The following DMD variants were observed in gnomAD, a reference collection of about 807,000 sequenced individuals.
The protein encoded by DMD is dystrophin.
Under a neutral mutation model 330.1 loss-of-function variants are expected in DMD, and 63 were observed. The ratio of observed to expected loss-of-function variants is 0.19; its 90% confidence interval spans 0.16 to 0.24. The LOEUF (loss-of-function observed/expected upper bound fraction) is 0.24. Ranked by LOEUF, DMD falls within the 10% of genes least tolerant of loss-of-function variation. The probability of loss-of-function intolerance (pLI) is 1.00; values close to 1 mark genes in which losing one functional copy is unlikely to be tolerated. For missense variants in DMD, 3,344 were observed against 2,684.1 expected (o/e 1.25, Z -5.43); for synonymous variants, 1,223 against 959.8 (o/e 1.27, Z -5.07).
intron 44 of DMD, among the ~76,000 whole-genome samples, chrX:32,051,001 A>G (rs186181751): frequency 3.4e-5 from 2 of 59,290 alleles, no homozygotes; most frequent in African/African-American, 1.9e-4. Context: ...CCTAATAGAG[A>G]CAGGCTCTCA....
intron 1 of DMD, among the ~76,000 whole-genome samples, chrX:33,150,868 T>C (rs5971689): frequency 0.048 from 5,378 of 111,298 alleles, 144 homozygotes; most frequent in South Asian, 0.2. Flanking sequence ...ACCAAATTAC[T>C]GTCCTGATTG....
intron 44 of DMD, among the ~76,000 whole-genome samples, chrX:32,108,559 T>C (rs2096575128): frequency 9.0e-6 from 1 of 111,497 alleles, no homozygotes; most frequent in Non-Finnish European, 1.9e-5. Context: ...TACAGAAAAA[T>C]GAGTTAATGA....
chrX:31,364,144 T>G (rs2059112050), intron 60 of DMD, among the ~76,000 whole-genome samples: 1 of 112,886 alleles, frequency 8.9e-6, no homozygotes, highest in Admixed American at 9.3e-5. Context: ...CATTGTGATC[T>G]GATGGCTTCC....
chrX:31,777,708 C>T (rs1008926704), intron 50 of DMD, among the ~76,000 whole-genome samples: 7 of 111,793 alleles, frequency 6.3e-5, no homozygotes, highest in African/African-American at 9.8e-5. Context: ...CAAAAGTTTT[C>T]ACCTGTGTAA....
At chrX:33,322,704 C>T (rs2148957265) in intron 1 of DMD, among the ~76,000 whole-genome samples, 1 of 111,498 alleles carries the variant, frequency 9.0e-6, no homozygotes, top group South Asian at 3.8e-4. Flanking sequence ...AAGAAGATAC[C>T]TCTGGGCTTT....
chrX:31,833,493 C>G (rs34148237), intron 49 of DMD, among the ~76,000 whole-genome samples: 1 of 110,264 alleles, frequency 9.1e-6, no homozygotes, highest in Non-Finnish European at 1.9e-5. Context: ...ACTACCTATA[C>G]GTCATTAGTA....
intron 2 of DMD, among the ~76,000 whole-genome samples, chrX:33,008,808 A>T (rs1180813113): frequency 2.0e-5 from 2 of 98,289 alleles, no homozygotes; most frequent in Non-Finnish European, 4.1e-5. Flanking sequence ...ATATACGTAT[A>T]TATACACATA....
chrX:32,691,613 T>C lies in DMD; in HGVS notation c.960+6257A>G, dbSNP rs1182140179. 2.7e-5 allele frequency among the ~76,000 whole-genome samples: 3 copies of C among 110,946 alleles called. No individual in the cohort carries two copies. In the Admixed American group the frequency reaches 2.9e-4, roughly 11 times the overall value. ...AAATAATATAGTTGCTCCTCAAAAA[T>C]TAAAAACAGAACTCCCACTTGATCT... is the stretch of plus-strand genomic sequence containing the variant. On this transcript the variant is annotated intron_variant, in intron 9 of 78. Coordinates refer to ENST00000357033, the MANE Select transcript of DMD (RefSeq NM_004006.3).
chrX:31,527,602 T>C (rs1158253156), intron 55 of DMD, among the ~76,000 whole-genome samples: 3 of 111,715 alleles, frequency 2.7e-5, no homozygotes, highest in African/African-American at 9.8e-5. Flanking sequence ...TTTTGGCTAT[T>C]TCTGTTGGCG....
At chrX:33,287,644 A>G (rs1352182775) in intron 1 of DMD, among the ~76,000 whole-genome samples, 2 of 111,877 alleles carry the variant, frequency 1.8e-5, no homozygotes, top group African/African-American at 6.5e-5. Context: ...TAAAAAGTAA[A>G]GCATAAAATT....
rs1244594013 is a variant in DMD, at chrX:32,529,604, T to A, written c.2169-11473A>T. 2.7e-5 allele frequency among the ~76,000 whole-genome samples: 3 copies of A among 109,374 alleles called. No individual in the cohort carries two copies. The East Asian group carries it at 8.6e-4, about 31-fold the overall frequency. The allele number at this position is 109,374 out of a possible 115,157, so 95.0% of individuals were successfully genotyped here. ...CTGGGTCTACAATACAAATGCTTTT[T>A]AAAAATTACTTGTAAATATGTTTAC... On this transcript the variant is annotated intron_variant, in intron 17 of 78. Transcript: ENST00000357033.
At chrX:32,920,924 G>A (rs1317213312) in intron 2 of DMD, among the ~76,000 whole-genome samples, 1 of 111,787 alleles carries the variant, frequency 8.9e-6, no homozygotes, top group Non-Finnish European at 1.9e-5. Flanking sequence ...CAAAGAAGGT[G>A]TTTTTTTGGA....
intron 2 of DMD, among the ~76,000 whole-genome samples, chrX:33,002,850 GAAAAAAAAA>G (rs145168802): frequency 3.1e-4 from 12 of 38,747 alleles, no homozygotes; most frequent in African/African-American, 9.5e-4. Context: ...TTTTTTTCTC[GAAAAAAAAA>G]AAAAAAAAAA....
chrX:32,727,228 G>C (rs762616603), intron 7 of DMD, among the ~76,000 whole-genome samples: 3 of 111,272 alleles, frequency 2.7e-5, no homozygotes, highest in African/African-American at 9.8e-5. Context: ...ACTAGAGAAG[G>C]TAATCTGCCC....
intron 1 of DMD, among the ~76,000 whole-genome samples, chrX:33,253,681 C>A (rs1407958498): frequency 9.0e-6 from 1 of 110,941 alleles, no homozygotes; most frequent in Non-Finnish European, 1.9e-5. Context: ...CTCTAAGTGA[C>A]AAAATTCTGA....
intron 60 of DMD, among the ~76,000 whole-genome samples, chrX:31,422,402 C>T (rs2063494749): frequency 9.0e-6 from 1 of 111,336 alleles, no homozygotes; most frequent in South Asian, 3.8e-4. Context: ...ACTTCCTACT[C>T]TATGTTTAAC....
chrX:31,548,562 T>C (rs1324606689), intron 55 of DMD, among the ~76,000 whole-genome samples: 2 of 107,656 alleles, frequency 1.9e-5, no homozygotes, highest in Non-Finnish European at 3.9e-5. Context: ...CTTTTTCTTT[T>C]TTTTTTTTTT....
chrX:32,627,155 C>G lies in DMD; in HGVS notation c.1332-12702G>C, dbSNP rs982053351. 7.4e-4 allele frequency among the ~76,000 whole-genome samples: 48 copies of G among 64,825 alleles called. 1 individual carries two copies. Among genetic ancestry groups the G allele is most frequent in the East Asian group, 4.5e-3 (7 of 1,549 alleles). The allele number at this position is 64,825 out of a possible 115,157, so 56.3% of individuals were successfully genotyped here. On this transcript the variant is annotated intron_variant, in intron 11 of 78. Transcript: ENST00000357033. Reference sequence around the variant, plus strand: ...CGATTGTGCCTCTTCCCCGCCCCCCCCCCCGCCCCAGGACACAGCCATAAT... The same window carrying G: ...CGATTGTGCCTCTTCCCCGCCCCCCGCCCCGCCCCAGGACACAGCCATAAT...
intron 44 of DMD, among the ~76,000 whole-genome samples, chrX:32,192,741 G>C (rs1164969281): frequency 9.0e-6 from 1 of 111,599 alleles, no homozygotes; most frequent in Non-Finnish European, 1.9e-5. Flanking sequence ...CTACAGATAA[G>C]GCTTCTTTCA....
Sources: gnomAD v4.1 joint callset for allele counts (sites outside exome capture counted in the v4.1 genomes callset) on GRCh38, gnomAD v4.1.1 for gene constraint, MANE v1.5 for transcripts, NCBI Gene and HGNC (gene_info 2026-07-23, HGNC 2026-07-21) for gene names.